FAM13B: variants seen among roughly 807,000 people sequenced by gnomAD.
FAM13B encodes family with sequence similarity 13 member B.
A neutral mutation model predicts 117.3 loss-of-function variants in FAM13B; 60 were observed. The ratio of observed to expected loss-of-function variants is 0.51; its 90% CI spans 0.42 to 0.63. The LOEUF is 0.63. Among genes scored for constraint, FAM13B ranks in the 30% least tolerant of loss-of-function variants. FAM13B has a pLI of 0.00. For missense variants in FAM13B, 972 were observed against 1,091.9 expected, an observed-to-expected ratio of 0.89 and a Z score of 1.55; for synonymous variants, 332 against 356.1, an observed-to-expected ratio of 0.93 and a Z score of 0.76.
intron 10 of FAM13B, among the ~76,000 whole-genome samples, chr5:137,984,482 C>A (rs189097519): frequency 6.6e-6 from 1 of 152,142 alleles, no homozygotes; most frequent in Admixed American, 6.5e-5. Context: ...ATTTAAGCCA[C>A]CTCTGAGAGA....
chr5:137,995,448 A>T (rs1779625522), intron 7 of FAM13B, among the ~76,000 whole-genome samples: 1 of 152,216 alleles, frequency 6.6e-6, no homozygotes, highest in South Asian at 2.1e-4. Context: ...AATATGCAAA[A>T]TAGTGCTATT....
chr5:138,023,595 T>C (rs1787368728), intron 1 of FAM13B, among the ~76,000 whole-genome samples: 1 of 152,180 alleles, frequency 6.6e-6, no homozygotes. Flanking sequence ...AGTCTTTTTC[T>C]TTTTTTGAGA....
chr5:137,946,074 G>T lies in FAM13B; in HGVS notation c.2245-77C>A, dbSNP rs146367502. On this transcript the variant is annotated intron_variant, in intron 19 of 23. Coordinates refer to ENST00000689681, the MANE Select transcript of FAM13B (RefSeq NM_001385994.1). ...CAAAACATTAAACAATGACTTATTC[G>T]CCCAATTTCAAATTTTATATTAAAT... is the stretch of plus-strand genomic sequence containing the variant. 860 of 1,352,240 alleles carry T rather than the reference G, an allele frequency of 6.4e-4. 7 individuals carry two copies. The East Asian group carries it at 0.019, about 30-fold the overall frequency. 83.8% of individuals were successfully genotyped at this position (1,352,240 alleles called of 1,614,324 possible). A position where few individuals can be genotyped will look rare whatever the true frequency, so the allele number is the denominator to read the frequency against.
At chr5:137,974,312 A>G (rs1251914624) in intron 10 of FAM13B, among the ~76,000 whole-genome samples, 2 of 151,962 alleles carry the variant, frequency 1.3e-5, no homozygotes, top group Non-Finnish European at 2.9e-5. Flanking sequence ...CTTTGCAGGG[A>G]CATGGATGAA....
rs139627574 is a variant in FAM13B at position 137,967,085 on chromosome 5, T to C, written c.1180-4616A>G. Among the ~76,000 whole-genome samples, 188 of 150,930 alleles carry C rather than the reference T, an allele frequency of 1.2e-3. 4 individuals carry two copies. The highest frequency in any genetic ancestry group is 0.01 in the Middle Eastern group (3 of 294). On this transcript the variant is annotated intron_variant, in intron 10 of 23. Transcript: ENST00000689681. ...TCAGAATAGGGAAGGCCTTCCCAAC[T>C]ATTAAAACCTAAAATCTTAAAAAAG... is the stretch of plus-strand genomic sequence containing the variant.
chr5:137,960,213 C>T lies in FAM13B; in HGVS notation c.1246G>A (p.Glu416Lys). Residue 416 changes from glutamate to lysine, a missense_variant and splice_region_variant, in exon 12 of 24, where the codon GAA (glutamate) becomes AAA (lysine). Glu to Lys is a moderately conservative substitution (Grantham distance 56, BLOSUM62 1). Transcript: ENST00000689681. ...TCACTGTCAAATAACAAATATTCTT[C>T]CCTAAAAATACAAGTAAAGTTGTTA... ...GDSEDGCLEREEYLLFDSDKL... is the reference protein window; with the variant it reads ...GDSEDGCLERKEYLLFDSDKL... The T allele has an allele frequency of 6.7e-7, 1 of 1,497,768 alleles. No homozygotes were observed. The highest frequency in any genetic ancestry group is 9.2e-7 in the Non-Finnish European group (1 of 1,090,764). The allele number at this position is 1,497,768 out of a possible 1,614,324, so 92.8% of individuals were successfully genotyped here. A position where few individuals can be genotyped will look rare whatever the true frequency, so the allele number is the denominator to read the frequency against.
At chr5:138,026,938 CAAATAAATAAATAAATAAAT>C (rs36001323) in intron 1 of FAM13B, among the ~76,000 whole-genome samples, 211 of 137,428 alleles carry the variant, frequency 1.5e-3, no homozygotes, top group Middle Eastern at 3.7e-3. Flanking sequence ...GACTCCATCT[CAAATAAATAAATAAATAAAT>C]AAATAAATAA....
At chr5:138,043,509 G>A (rs559314431) in intron 1 of FAM13B, among the ~76,000 whole-genome samples, 9 of 147,164 alleles carry the variant, frequency 6.1e-5, no homozygotes, top group Non-Finnish European at 1.2e-4. Context: ...GTGCGATCTC[G>A]GCTCACTGCA....
rs1763411983 is a variant in FAM13B at position 137,946,317 on chromosome 5, A to C, written c.2161-6T>G. 7 of 1,532,906 alleles carry C rather than the reference A, an allele frequency of 4.6e-6. No homozygotes were observed. Among genetic ancestry groups the C allele is most frequent in the Non-Finnish European group, 6.1e-6 (7 of 1,139,620 alleles). The allele number at this position is 1,532,906 out of a possible 1,614,324, so 95.0% of individuals were successfully genotyped here. A position where few individuals can be genotyped will look rare whatever the true frequency, so the allele number is the denominator to read the frequency against. ...AAATGATCTTTGGTCATTTTCTGGA[A>C]TTAAACAAAAAAAATAACAAAATAC... On this transcript the variant is annotated splice_region_variant and splice_polypyrimidine_tract_variant and intron_variant, in intron 18 of 23. Transcript: ENST00000689681.
At chr5:137,952,841 T>TGA in intron 16 of FAM13B, 132 bp from the exon 17 acceptor site, 3 of 574,236 alleles carry the variant, frequency 5.2e-6, no homozygotes, top group Non-Finnish European at 8.9e-6. Context: ...TTTAATTAGA[T>TGA]AGGGCAGGAT....
intron 1 of FAM13B, 27 bp from the exon 2 acceptor site, chr5:138,021,224 T>C: frequency 4.9e-6 from 6 of 1,229,238 alleles, no homozygotes; most frequent in Non-Finnish European, 5.1e-6. Context: ...ATTATTTCAA[T>C]TTCCCACATC....
At chr5:137,990,891 C>T (rs1224956040) in intron 7 of FAM13B, among the ~76,000 whole-genome samples, 1 of 152,038 alleles carries the variant, frequency 6.6e-6, no homozygotes, top group Non-Finnish European at 1.5e-5. Context: ...ATGCATGTTG[C>T]TAGTGGGAAG....
At chr5:137,957,929 C>T (rs559886831) in intron 13 of FAM13B, among the ~76,000 whole-genome samples, 6 of 152,306 alleles carry the variant, frequency 3.9e-5, no homozygotes, top group East Asian at 1.9e-4. Context: ...AGAACGCTGA[C>T]GCTAGACAGA....
intron 22 of FAM13B, 124 bp downstream of exon 22, chr5:137,942,751 T>C (rs915543729): frequency 1.4e-6 from 1 of 730,918 alleles, no homozygotes; most frequent in Non-Finnish European, 2.2e-6. Context: ...TTGAAAAGCA[T>C]GTGTCCTTTG....
At chr5:137,978,729 G>C (rs1312802879) in intron 10 of FAM13B, among the ~76,000 whole-genome samples, 2 of 152,070 alleles carry the variant, frequency 1.3e-5, no homozygotes, top group Non-Finnish European at 2.9e-5. Context: ...AGAATACAGA[G>C]GTTCCCCAAG....
At chr5:137,968,144 C>A (rs1255652589) in intron 10 of FAM13B, among the ~76,000 whole-genome samples, 1 of 150,506 alleles carries the variant, frequency 6.6e-6, no homozygotes, top group African/African-American at 2.4e-5. Context: ...ATCGCTTGAA[C>A]CCGGGAGGCA....
At chr5:138,015,394 T>C (rs1426707735) in intron 4 of FAM13B, among the ~76,000 whole-genome samples, 1 of 152,252 alleles carries the variant, frequency 6.6e-6, no homozygotes, top group Non-Finnish European at 1.5e-5. Flanking sequence ...TTGTGAATAT[T>C]AAAATATTAT....
chr5:137,987,081 C>T (rs1391112976), intron 9 of FAM13B, among the ~76,000 whole-genome samples: 1 of 152,154 alleles, frequency 6.6e-6, no homozygotes, highest in African/African-American at 2.4e-5. Context: ...ATTATATGCA[C>T]TATAGTGATA....
rs1561492748 is a variant in FAM13B, at chr5:137,983,213, A to AAAAAAAAAAAAAAAAAAAAAAAC, written c.1179+2043_1179+2044insGTTTTTTTTTTTTTTTTTTTTTT. ...AAAAAAAAAAAAAAAAAAAAAAAAA[A>AAAAAAAAAAAAAAAAAAAAAAAC]AACCGAGTGAGATATCCTGAATGCC... On this transcript the variant is annotated intron_variant, in intron 10 of 23. Coordinates refer to ENST00000689681, the MANE Select transcript of FAM13B (RefSeq NM_001385994.1). Among the ~76,000 whole-genome samples, 32 of 93,712 alleles carry AAAAAAAAAAAAAAAAAAAAAAAC rather than the reference A, an allele frequency of 3.4e-4. 6 individuals are homozygous for AAAAAAAAAAAAAAAAAAAAAAAC. Among genetic ancestry groups the AAAAAAAAAAAAAAAAAAAAAAAC allele is most frequent in the South Asian group, 6.1e-4 (2 of 3,268 alleles). 61.5% of individuals were successfully genotyped at this position (93,712 alleles called of 152,430 possible).
Sources: gnomAD v4.1 joint callset for allele counts (sites outside exome capture counted in the v4.1 genomes callset) on GRCh38, gnomAD v4.1.1 for gene constraint, MANE v1.5 for transcripts, NCBI Gene and HGNC (gene_info 2026-07-23, HGNC 2026-07-21) for gene names.